Variants in CDH18 observed in about 807,000 individuals in gnomAD.
The protein encoded by CDH18 is cadherin-18.
A neutral mutation model predicts 67.9 loss-of-function variants in CDH18; 31 were observed. That is an observed-to-expected ratio of 0.46 (90% CI 0.34 to 0.62). CDH18 has a LOEUF of 0.62. Ranked by LOEUF, CDH18 falls within the 20% of genes least tolerant of loss-of-function variation. CDH18 has a pLI of 0.01. For missense variants in CDH18, 890 were observed against 975.5 expected, an observed-to-expected ratio of 0.91 and a Z score of 1.17; for synonymous variants, 362 against 347.2, an observed-to-expected ratio of 1.04 and a Z score of -0.48.
intron 1 of CDH18, among the ~76,000 whole-genome samples, chr5:20,501,717 T>TTGTGTGTGTGTGTG (rs1170488048): frequency 1.2e-4 from 14 of 121,250 alleles, no homozygotes; most frequent in African/African-American, 3.8e-4. Context: ...TCTTAAGGAT[T>TTGTGTGTGTGTGTG]TGTGTGTGTG....
chr5:20,010,159 G>GGT (rs35461877), intron 2 of CDH18, among the ~76,000 whole-genome samples: 9,567 of 146,076 alleles, frequency 0.065, 417 homozygotes, highest in East Asian at 0.26. Flanking sequence ...AGTGGAAAGT[G>GGT]GTGTGTGTGT....
intron 1 of CDH18, among the ~76,000 whole-genome samples, chr5:20,423,580 A>G (rs1433832258): frequency 1.3e-5 from 2 of 151,060 alleles, no homozygotes; most frequent in African/African-American, 5.0e-5. Flanking sequence ...TAAGTGCTAC[A>G]CGCAAAGAGA....
intron 1 of CDH18, among the ~76,000 whole-genome samples, chr5:20,565,231 C>T (rs1370294611): frequency 6.6e-6 from 1 of 151,970 alleles, no homozygotes; most frequent in Non-Finnish European, 1.5e-5. Flanking sequence ...GTTAAGGGGC[C>T]GTGATTTTTC....
At chr5:19,902,768 C>T (rs1790081771) in intron 2 of CDH18, among the ~76,000 whole-genome samples, 1 of 152,166 alleles carries the variant, frequency 6.6e-6, no homozygotes, top group Admixed American at 6.5e-5. Flanking sequence ...GCTGGATGCC[C>T]ACTTGCCACT....
At chr5:19,721,314 G>A (rs762613814) in intron 5 of CDH18, 33 bp downstream of exon 5, 5 of 1,530,356 alleles carry the variant, frequency 3.3e-6, no homozygotes, top group Non-Finnish European at 3.5e-6. Flanking sequence ...TGTAGCAAAC[G>A]CTTGCATGCG....
chr5:19,922,985 T>C lies in CDH18; in HGVS notation c.-257+58075A>G, dbSNP rs527347807. Among the ~76,000 whole-genome samples, 296 of 152,340 alleles carry C rather than the reference T, an allele frequency of 1.9e-3. 1 individual carries two copies. The highest frequency in any genetic ancestry group is 3.8e-3 in the Non-Finnish European group (257 of 68,030). Reference sequence around the variant, plus strand: ...TCAATGGCATTTTTAATTTGAAGTATGTGACCATCCTCTAATGATAAAGTG... The same window carrying C: ...TCAATGGCATTTTTAATTTGAAGTACGTGACCATCCTCTAATGATAAAGTG... On this transcript the variant is annotated intron_variant, in intron 2 of 12. Coordinates refer to ENST00000382275, the MANE Select transcript of CDH18 (RefSeq NM_004934.5).
chr5:19,731,245 C>T (rs1393776472), intron 4 of CDH18, among the ~76,000 whole-genome samples: 4 of 152,134 alleles, frequency 2.6e-5, no homozygotes, highest in East Asian at 1.9e-4. Flanking sequence ...GTCAGAAGAT[C>T]GAGACCATAC....
intron 2 of CDH18, among the ~76,000 whole-genome samples, chr5:19,970,684 A>C (rs1797936434): frequency 6.6e-6 from 1 of 151,706 alleles, no homozygotes; most frequent in Non-Finnish European, 1.5e-5. Flanking sequence ...ATGGGAATAC[A>C]GTTCATAAGA....
intron 1 of CDH18, among the ~76,000 whole-genome samples, chr5:20,296,276 G>A (rs1222759458): frequency 6.8e-6 from 1 of 147,944 alleles, no homozygotes; most frequent in African/African-American, 2.5e-5. Context: ...TTTTTTGAGA[G>A]GGAGTCTCAC....
intron 2 of CDH18, among the ~76,000 whole-genome samples, chr5:20,204,419 G>C (rs1321361600): frequency 6.6e-6 from 1 of 152,004 alleles, no homozygotes; most frequent in Non-Finnish European, 1.5e-5. Flanking sequence ...AAATATGAAG[G>C]AGAGAGAAAT....
intron 1 of CDH18, among the ~76,000 whole-genome samples, chr5:20,290,601 T>A (rs1287293634): frequency 6.6e-6 from 1 of 152,102 alleles, no homozygotes; most frequent in Non-Finnish European, 1.5e-5. Flanking sequence ...ATTTCCAGGA[T>A]AATAATATTT....
rs1004679104 is a variant in CDH18, at chr5:19,662,436, T to C, written c.644-49835A>G. ...TGCATAAAGAAGGTAAATATAACCA[T>C]ACAAAAATTCTTGCTGTGACTTTAT... On this transcript the variant is annotated intron_variant, in intron 5 of 12. Transcript: ENST00000382275. 2.0e-5 allele frequency among the ~76,000 whole-genome samples: 3 copies of C among 152,052 alleles called. 1 individual carries two copies. Among genetic ancestry groups the C allele is most frequent in the Admixed American group, 1.3e-4 (2 of 15,208 alleles).
At chr5:20,544,360 AATAT>A (rs1055146260) in intron 1 of CDH18, among the ~76,000 whole-genome samples, 7 of 152,178 alleles carry the variant, frequency 4.6e-5, no homozygotes, top group African/African-American at 1.7e-4. Context: ...GTGTATGTAT[AATAT>A]ATAAAGAATG....
intron 1 of CDH18, among the ~76,000 whole-genome samples, chr5:20,505,712 T>C (rs1276856014): frequency 6.6e-6 from 1 of 152,252 alleles, no homozygotes; most frequent in East Asian, 1.9e-4. Flanking sequence ...CACCAACTTG[T>C]GGACTGTCAC....
intron 2 of CDH18, among the ~76,000 whole-genome samples, chr5:19,939,915 G>A (rs1009386532): frequency 4.0e-5 from 6 of 151,750 alleles, no homozygotes; most frequent in African/African-American, 1.4e-4. Context: ...AGAATCCATA[G>A]GCTTCCAAAA....
intron 1 of CDH18, among the ~76,000 whole-genome samples, chr5:20,339,717 C>T (rs566041464): frequency 6.6e-6 from 1 of 152,266 alleles, no homozygotes; most frequent in South Asian, 2.1e-4. Flanking sequence ...GGTACAGGTC[C>T]TCTTTTCTAT....
intron 2 of CDH18, among the ~76,000 whole-genome samples, chr5:20,184,167 T>A (rs1256446542): frequency 6.6e-6 from 1 of 152,054 alleles, no homozygotes; most frequent in African/African-American, 2.4e-5. Context: ...AAAAATCATA[T>A]GAACAAAATT....
intron 2 of CDH18, among the ~76,000 whole-genome samples, chr5:20,247,299 A>G (rs1743456318): frequency 1.3e-5 from 2 of 152,204 alleles, no homozygotes; most frequent in South Asian, 4.1e-4. Context: ...ATATGAATCT[A>G]TCTTTTGCTA....
intron 1 of CDH18, among the ~76,000 whole-genome samples, chr5:20,460,595 T>C (rs574463132): frequency 1.3e-5 from 2 of 152,160 alleles, no homozygotes; most frequent in East Asian, 1.9e-4. Flanking sequence ...TATTTGCTTA[T>C]AGTCAGATTT....
Sources: allele counts gnomAD v4.1 joint callset (sites outside exome capture counted in the v4.1 genomes callset), GRCh38; gene constraint gnomAD v4.1.1; transcripts MANE v1.5; gene names NCBI Gene and HGNC (gene_info 2026-07-23, HGNC 2026-07-21).